Variants in BAZ2A observed in about 807,000 individuals in gnomAD.
BAZ2A encodes bromodomain adjacent to zinc finger domain protein 2A.
In BAZ2A, 34 loss-of-function variants were observed where a neutral mutation model predicts 199.9. That is an observed-to-expected ratio of 0.17 (90% confidence interval 0.13 to 0.23). BAZ2A has a LOEUF of 0.23. Ranked by LOEUF, BAZ2A falls within the 10% of genes least tolerant of loss-of-function variation. The probability of loss-of-function intolerance (pLI) is 1.00; values close to 1 mark genes in which losing one functional copy is unlikely to be tolerated. For missense variants in BAZ2A, 2,002 were observed against 2,391.1 expected, an observed-to-expected ratio of 0.84 and a Z score of 3.39; for synonymous variants, 857 against 883.9, an observed-to-expected ratio of 0.97 and a Z score of 0.54.
intron 1 of BAZ2A, among the ~76,000 whole-genome samples, chr12:56,629,391 G>A (rs1363676021): frequency 6.6e-6 from 1 of 152,216 alleles, no homozygotes; most frequent in Non-Finnish European, 1.5e-5. Flanking sequence ...TGCCACGGAA[G>A]CGGGGATCCC....
intron 1 of BAZ2A, 86 bp from the exon 2 acceptor site, chr12:56,617,618 T>A (rs1950765481): frequency 7.2e-7 from 1 of 1,397,804 alleles, no homozygotes. Context: ...CAATGACCCC[T>A]CCCCTCCACC....
rs1169811214 is a variant in BAZ2A, at chr12:56,612,055, C to G, written c.1327G>C (p.Ala443Pro). Residue 443 changes from alanine (A) to proline (P), a missense_variant, in exon 6 of 29, where the codon GCC (alanine) becomes CCC (proline). Transcript: ENST00000549884. ...PAVSLVVSPA[A>P]SPEISPEVCP... ...ACTTCTGGAGAGATTTCTGGGGAGGCTGCTGGAGAAACCACTAGGGAGACT... is the reference window on the plus strand; with the variant it reads ...ACTTCTGGAGAGATTTCTGGGGAGGGTGCTGGAGAAACCACTAGGGAGACT... 4 of 1,613,510 alleles carry G rather than the reference C, an allele frequency of 2.5e-6. No homozygotes were observed. The highest frequency in any genetic ancestry group is 2.7e-5 in the African/African-American group (2 of 74,770).
chr12:56,599,083 T>A, intron 27 of BAZ2A, 46 bp downstream of exon 27: 1 of 1,598,370 alleles, frequency 6.3e-7, no homozygotes, highest in Non-Finnish European at 8.5e-7. Context: ...CCCTTTCCTC[T>A]GGCAGAGGTA....
intron 1 of BAZ2A, among the ~76,000 whole-genome samples, chr12:56,622,367 C>T (rs1291552057): frequency 6.6e-6 from 1 of 151,854 alleles, no homozygotes; most frequent in African/African-American, 2.4e-5. Flanking sequence ...CAGGTCTAAA[C>T]GGTCTACATA....
chr12:56,610,780 A>G (rs1950535910), intron 7 of BAZ2A, among the ~76,000 whole-genome samples: 2 of 152,194 alleles, frequency 1.3e-5, no homozygotes, highest in African/African-American at 2.4e-5. Context: ...TTACAAAATC[A>G]GTGAGATAAG....
chr12:56,605,228 C>G lies in BAZ2A; in HGVS notation c.2593G>C (p.Val865Leu). 1.9e-6 allele frequency: 3 copies of G among 1,613,826 alleles called. 1 individual carries two copies. Among genetic ancestry groups the G allele is most frequent in the Non-Finnish European group, 1.7e-6 (2 of 1,179,858 alleles). The change falls in exon 14 of 29, where the codon GTG (valine) becomes CTG (leucine). Residue 865 changes from valine (V) to leucine (L), a missense_variant. By Grantham distance (32) the Val-to-Leu change is conservative (BLOSUM62 1). Around this residue, in one of 6 missense-constraint regions of BAZ2A, gnomAD observed 1,081 missense variants for 1,274.7 expected, o/e 0.85. Coordinates refer to ENST00000549884, the MANE Select transcript of BAZ2A (RefSeq NM_001300905.2). ...TCTTTGGCAGGATCAAAGCCCAGCA[C>G]CTTGCCAAAGCTATGCAGGAACTCC... ...IVEFLHSFGKVLGFDPAKDVP... is the reference protein window; with the variant it reads ...IVEFLHSFGKLLGFDPAKDVP...
chr12:56,619,517 AAAAAAAAAAG>A (rs1950839625), intron 1 of BAZ2A, among the ~76,000 whole-genome samples: 1 of 151,552 alleles, frequency 6.6e-6, no homozygotes, highest in South Asian at 2.1e-4. Flanking sequence ...TCAAAAAAAA[AAAAAAAAAAG>A]AAAAGAAAAG....
Position 56,604,300 on chromosome 12 carries a change from G to A in BAZ2A, c.2964-9C>T, listed in dbSNP as rs767165784. The stretch of plus-strand genomic sequence containing the variant: ...GAGTCTTGTCAATCTCACTGCAGGG[G>A]AATAGGGAATAGGATGAAGTGGCAG... On this transcript the variant is annotated splice_polypyrimidine_tract_variant and intron_variant, in intron 15 of 28. Coordinates refer to ENST00000549884, the MANE Select transcript of BAZ2A (RefSeq NM_001300905.2). 6.2e-6 allele frequency: 10 copies of A among 1,601,982 alleles called. No homozygotes were observed. The African/African-American group carries it at 1.1e-4, about 17-fold the overall frequency.
In BAZ2A at chr12:56,601,863, G is replaced by A; in HGVS notation, c.3754C>T (p.Pro1252Ser). 2 of 1,613,950 alleles carry A rather than the reference G, an allele frequency of 1.2e-6. No homozygotes were observed. Among genetic ancestry groups the A allele is most frequent in the Non-Finnish European group, 1.7e-6 (2 of 1,179,864 alleles). Residue 1252 changes from proline (P) to serine (S), a missense_variant, in exon 20 of 29, where the codon CCT becomes TCT. By Grantham distance (74) the Pro-to-Ser change is moderately conservative (BLOSUM62 -1). Coordinates refer to ENST00000549884, the MANE Select transcript of BAZ2A (RefSeq NM_001300905.2). ...TGCTGGCTCTGACCCAGTGACAAAG[G>A]GGAGCCTTCTTGCTCCAGGAACCCC... ...HKGFLEQEGS[P>S]LSLGQSQHDL...
rs766178617 is a variant in BAZ2A at position 56,600,810 on chromosome 12, T to C, written c.4473A>G (p.Gln1491=). The stretch of plus-strand genomic sequence containing the variant: ...TAATCCCTTCTTGAAAGGCAGGTAG[T>C]TGCCTGGGCTCAAAGATGGGGTCTG... ...PSADPIFEPR[Q]LPAFQEGIMS... is the part of the protein sequence containing the mutation. The change falls in exon 23 of 29, where the codon CAA becomes CAG. Residue 1491 remains glutamine, a synonymous_variant. Transcript: ENST00000549884. 2.5e-6 allele frequency: 4 copies of C among 1,613,852 alleles called. No homozygotes were observed. In the East Asian group the frequency reaches 8.9e-5, roughly 36 times the overall value.
At chr12:56,626,848 G>C (rs541379253) in intron 1 of BAZ2A, among the ~76,000 whole-genome samples, 4 of 152,310 alleles carry the variant, frequency 2.6e-5, no homozygotes, top group Non-Finnish European at 5.9e-5. Context: ...GCTGAAGAAA[G>C]GGGAACTTAA....
rs1025840270 is a variant in BAZ2A at position 56,604,365 on chromosome 12, G to A, written c.2964-74C>T. ...AAGGAGGCTCAAGGGTAAAGGGGCT[G>A]CAGCTGAAAAAGGAGTTCCAGCCTA... On this transcript the variant is annotated intron_variant, in intron 15 of 28. Transcript: ENST00000549884. 7 of 1,467,606 alleles carry A rather than the reference G, an allele frequency of 4.8e-6. No homozygotes were observed. In the African/African-American group the frequency reaches 9.8e-5, roughly 21 times the overall value. 90.9% of individuals were successfully genotyped at this position (1,467,606 alleles called of 1,614,324 possible).
rs116827484 is a variant in BAZ2A at position 56,611,714 on chromosome 12, C to T, written c.1609+59G>A. ...GCCAATAGGGAAAGGCTAACTACAA[C>T]ATGGGACAGAAAAGTTTCTTGGAAC... On this transcript the variant is annotated intron_variant, in intron 6 of 28. Coordinates refer to ENST00000549884, the MANE Select transcript of BAZ2A (RefSeq NM_001300905.2). 2.2e-3 allele frequency: 3,344 copies of T among 1,527,490 alleles called. 60 individuals are homozygous for T. The African/African-American group carries it at 0.035, about 16-fold the overall frequency. 94.6% of individuals were successfully genotyped at this position (1,527,490 alleles called of 1,614,324 possible).
intron 1 of BAZ2A, among the ~76,000 whole-genome samples, chr12:56,618,519 T>C (rs1351177970): frequency 6.6e-6 from 1 of 152,250 alleles, no homozygotes; most frequent in Non-Finnish European, 1.5e-5. Flanking sequence ...AATCGGATTC[T>C]TGTGACATCC....
chr12:56,626,378 C>T (rs1951097283), intron 1 of BAZ2A, among the ~76,000 whole-genome samples: 1 of 152,144 alleles, frequency 6.6e-6, no homozygotes, highest in Admixed American at 6.5e-5. Flanking sequence ...GTAAAAATAG[C>T]AGTTTGGTGC....
At chr12:56,605,359 T>A (rs1348193328) in intron 13 of BAZ2A, 32 bp from the exon 14 acceptor site, 2 of 1,570,806 alleles carry the variant, frequency 1.3e-6, no homozygotes, top group Non-Finnish European at 1.7e-6. Flanking sequence ...GAGAGTTCTG[T>A]TAAACATAAC....
rs1264751395 is a variant in BAZ2A at position 56,603,249 on chromosome 12, C to A, written c.3279+110G>T. 21 of 1,280,176 alleles carry A rather than the reference C, an allele frequency of 1.6e-5. No individual in the cohort carries two copies. In the East Asian group the frequency reaches 4.3e-4, roughly 26 times the overall value. 79.3% of individuals were successfully genotyped at this position (1,280,176 alleles called of 1,614,324 possible). On this transcript the variant is annotated intron_variant, in intron 18 of 28. Transcript: ENST00000549884. ...TGCCACTGCACTCCAGCCTGGGTAA[C>A]AGAAACCCCATCTCAAAAGAATAAA...
At chr12:56,634,493 A>C (rs900083504), upstream of BAZ2A, among the ~76,000 whole-genome samples, 2 of 152,168 alleles carry the variant, frequency 1.3e-5, no homozygotes, top group African/African-American at 4.8e-5. Context: ...GCTGAACTTA[A>C]AGGGCTGAGC....
intron 3 of BAZ2A, among the ~76,000 whole-genome samples, chr12:56,614,686 G>A (rs908583441): frequency 2.6e-5 from 4 of 152,110 alleles, no homozygotes; most frequent in East Asian, 3.8e-4. Flanking sequence ...CTCAATGCCC[G>A]CTGCTAGACC....
Sources: gnomAD v4.1 joint callset for allele counts (sites outside exome capture counted in the v4.1 genomes callset) on GRCh38, gnomAD v4.1.1 for gene constraint, gnomAD v4.1.1 regional missense constraint, MANE v1.5 for transcripts, NCBI Gene and HGNC (gene_info 2026-07-23, HGNC 2026-07-21) for gene names.